The following TSPEAR variants were observed in gnomAD, a reference collection of about 807,000 sequenced individuals.
TSPEAR encodes the protein thrombospondin type laminin G domain and EAR repeats, also known as thrombospondin-type laminin G domain and EAR repeat-containing protein.
A neutral mutation model predicts 71.6 loss-of-function variants in TSPEAR; 69 were observed. The ratio of observed to expected loss-of-function variants is 0.96; its 90% confidence interval spans 0.79 to 1.18. TSPEAR has a LOEUF of 1.18. Ranked by LOEUF, TSPEAR falls within the 50% of genes most tolerant of loss-of-function variation. The pLI is 0.00. For missense variants in TSPEAR, 971 were observed against 894.9 expected, an observed-to-expected ratio of 1.09 and a Z score of -1.09; for synonymous variants, 402 against 387.2, an observed-to-expected ratio of 1.04 and a Z score of -0.45.
intron 9 of TSPEAR, among the ~76,000 whole-genome samples, chr21:44,513,415 GGAGA>G (rs1237834192): frequency 1.3e-5 from 2 of 152,164 alleles, no homozygotes; most frequent in Non-Finnish European, 2.9e-5. Context: ...GACTCATAGA[GGAGA>G]GAGAAAGAAT....
chr21:44,593,433 G>T lies in TSPEAR; in HGVS notation c.83-25428C>A, dbSNP rs1340536123. Among the ~76,000 whole-genome samples, 1 of 152,108 alleles carries T rather than the reference G, an allele frequency of 6.6e-6. No individual in the cohort carries two copies. Among genetic ancestry groups the T allele is most frequent in the Non-Finnish European group, 1.5e-5 (1 of 68,028 alleles). ...GAACCCGCACAGAAGACACAAAATG[G>T]GTCCATGAGAAGTTGATCTCACTGC... is the stretch of plus-strand genomic sequence containing the variant. On this transcript the variant is annotated intron_variant, in intron 1 of 11. Transcript: ENST00000323084. This position sits in a 1 kb window ranked among gnomAD's most constrained non-coding sequence, Gnocchi z 5.9.
chr21:44,567,969 G>T lies in TSPEAR; in HGVS notation c.119C>A (p.Pro40His), dbSNP rs149141781. Residue 40 changes from proline to histidine, a missense_variant, in exon 2 of 12, where the codon CCT (proline) becomes CAT (histidine). Transcript: ENST00000323084. ...RPLDILAEVV[P>H]SDGATSGIRI... ...GATCCCGCTTGTGGCGCCATCAGAA[G>T]GGACCACTTCCGCCAGGATGTCCAG... 16 of 1,565,810 alleles carry T rather than the reference G, an allele frequency of 1.0e-5. No homozygotes were observed. The highest frequency in any genetic ancestry group is 1.4e-5 in the Non-Finnish European group (16 of 1,150,540).
chr21:44,558,207 C>G (rs233252), intron 2 of TSPEAR: 20 of 1,612,982 alleles, frequency 1.2e-5, no homozygotes, highest in Middle Eastern at 1.7e-4. Flanking sequence ...GGGCACACAG[C>G]AGGTGGACCT....
intron 11 of TSPEAR, among the ~76,000 whole-genome samples, chr21:44,502,535 A>G (rs2052053148): frequency 6.6e-6 from 1 of 152,250 alleles, no homozygotes; most frequent in Non-Finnish European, 1.5e-5. Flanking sequence ...TCCTGGAAAT[A>G]AATGAGAACA....
At chr21:44,603,031 C>G (rs1430236165) in intron 1 of TSPEAR, among the ~76,000 whole-genome samples, 1 of 146,032 alleles carries the variant, frequency 6.8e-6, no homozygotes, top group Admixed American at 7.0e-5. Flanking sequence ...TCTGGTAGTG[C>G]TTCCTTTGAC....
chr21:44,504,265 TC>T (rs2052135781), intron 11 of TSPEAR, among the ~76,000 whole-genome samples: 1 of 94,608 alleles, frequency 1.1e-5, no homozygotes, highest in Non-Finnish European at 2.0e-5. Flanking sequence ...CGGTGAGCCC[TC>T]AGGGGGAAGC....
intron 9 of TSPEAR, chr21:44,517,568 C>T: frequency 2.8e-6 from 1 of 354,446 alleles, no homozygotes; most frequent in East Asian, 7.6e-5. Flanking sequence ...CTGGCACTGG[C>T]CCATGGGCTG....
intron 2 of TSPEAR, among the ~76,000 whole-genome samples, chr21:44,556,374 C>CA (rs200583415): frequency 0.012 from 1,698 of 145,426 alleles, 26 homozygotes; most frequent in African/African-American, 0.034. Context: ...TACCCGCTCT[C>CA]AAAAAAAAAT....
rs782039123 is a variant in TSPEAR at position 44,540,134 on chromosome 21, A to G, written c.304-6211T>C. The stretch of plus-strand genomic sequence containing the variant: ...GGAGCAAGCGCTGGAGCAGACGGAC[A>G]TGGTGGACGCGGCCATGCTGGGGTG... On this transcript the variant is annotated intron_variant, in intron 2 of 11. Coordinates refer to ENST00000323084, the MANE Select transcript of TSPEAR (RefSeq NM_144991.3). The G allele has an allele frequency of 1.9e-6, 3 of 1,613,328 alleles. No individual in the cohort carries two copies. The highest frequency in any genetic ancestry group is 2.5e-6 in the Non-Finnish European group (3 of 1,179,790).
At chr21:44,674,871 G>A (rs587619192) in intron 1 of TSPEAR, among the ~76,000 whole-genome samples, 10 of 145,892 alleles carry the variant, frequency 6.9e-5, no homozygotes, top group African/African-American at 2.5e-4. Context: ...TACCAAGATT[G>A]AATTAAAAAA....
intron 1 of TSPEAR, chr21:44,658,113 G>T (rs1555942922): frequency 6.2e-7 from 1 of 1,613,516 alleles, no homozygotes; most frequent in East Asian, 2.2e-5. Context: ...CGCATTGTGT[G>T]CGTGGCTCCC....
chr21:44,614,643 C>T (rs587695934), intron 1 of TSPEAR, among the ~76,000 whole-genome samples: 1 of 152,318 alleles, frequency 6.6e-6, no homozygotes, highest in East Asian at 1.9e-4. Context: ...GGGGGACCAT[C>T]ACCAGCAGAC....
intron 1 of TSPEAR, among the ~76,000 whole-genome samples, chr21:44,638,992 C>G (rs1016273225): frequency 6.6e-6 from 1 of 152,026 alleles, no homozygotes; most frequent in Non-Finnish European, 1.5e-5. Context: ...CCCCAGGACT[C>G]GAGCCCAGCA....
At chr21:44,600,539 C>A in intron 1 of TSPEAR, 1 of 1,484,808 alleles carries the variant, frequency 6.7e-7, no homozygotes, top group Non-Finnish European at 9.1e-7. Context: ...AAGCCAACAT[C>A]CCTGAGCACC....
intron 1 of TSPEAR, among the ~76,000 whole-genome samples, chr21:44,633,845 G>A (rs587642901): frequency 6.6e-6 from 1 of 151,986 alleles, no homozygotes; most frequent in African/African-American, 2.4e-5. Context: ...AAACATTATT[G>A]TTGAACTGGA....
At chr21:44,511,340 CAA>C (rs2052370742) in intron 9 of TSPEAR, among the ~76,000 whole-genome samples, 1 of 152,116 alleles carries the variant, frequency 6.6e-6, no homozygotes, top group African/African-American at 2.4e-5. Flanking sequence ...CATACACACA[CAA>C]ACATGCATAT....
chr21:44,648,464 C>T (rs1001103386), intron 1 of TSPEAR, among the ~76,000 whole-genome samples: 2 of 152,182 alleles, frequency 1.3e-5, no homozygotes, highest in Admixed American at 6.5e-5. Flanking sequence ...AACCCGTGTC[C>T]GTTACTTGCT....
rs143140549 is a variant in TSPEAR at position 44,659,383 on chromosome 21, C to G, written c.82+52050G>C. Among the ~76,000 whole-genome samples the G allele has an allele frequency of 3.4e-4, 33 of 98,324 alleles. No homozygotes were observed. The East Asian group carries it at 4.5e-3, about 13-fold the overall frequency. 64.5% of individuals were successfully genotyped at this position (98,324 alleles called of 152,430 possible). A position where few individuals can be genotyped will look rare whatever the true frequency, so the allele number is the denominator to read the frequency against. On this transcript the variant is annotated intron_variant, in intron 1 of 11. Transcript: ENST00000323084. ...AGCACAAGCACTGATACACCCTAAG[C>G]ACAAGCGGTTGGTGCACTGAAGGTA...
chr21:44,570,210 G>C (rs1001816196), intron 1 of TSPEAR, among the ~76,000 whole-genome samples: 2 of 152,166 alleles, frequency 1.3e-5, no homozygotes, highest in Non-Finnish European at 2.9e-5. Flanking sequence ...CCCATCGCTC[G>C]CTGGGCTTTG....
Sources: gnomAD v4.1 joint callset for allele counts (sites outside exome capture counted in the v4.1 genomes callset) on GRCh38, gnomAD v4.1.1 for gene constraint, Gnocchi (gnomAD v3.1) non-coding constraint, MANE v1.5 for transcripts, NCBI Gene and HGNC (gene_info 2026-07-23, HGNC 2026-07-21) for gene names.